Variants in ULK4 observed in about 807,000 individuals in gnomAD.
ULK4 encodes the protein inactive serine/threonine-protein kinase ULK4.
A neutral mutation model predicts 160.6 loss-of-function variants in ULK4; 133 were observed. That is an observed-to-expected ratio of 0.83 (90% CI 0.72 to 0.96). The LOEUF (loss-of-function observed/expected upper bound fraction) is 0.96. Ranked by LOEUF, ULK4 falls within the 40% of genes least tolerant of loss-of-function variation. The pLI is 0.00. For synonymous variants in ULK4, 534 were observed against 539.8 expected (o/e 0.99, Z 0.15); for missense variants, 1,580 against 1,499.5 (o/e 1.05, Z -0.89).
intron 35 of ULK4, among the ~76,000 whole-genome samples, chr3:41,271,908 A>G (rs1168340264): frequency 6.6e-6 from 1 of 151,618 alleles, no homozygotes; most frequent in East Asian, 1.9e-4. Context: ...CAGATTTCTT[A>G]TTTTTTACTT....
chr3:41,721,291 TGAACCA>T (rs1229031704), intron 22 of ULK4, among the ~76,000 whole-genome samples: 7 of 113,408 alleles, frequency 6.2e-5, no homozygotes, highest in Non-Finnish European at 9.1e-5. Context: ...TTTTGGGTTT[TGAACCA>T]TGAGTATGTG....
At chr3:41,449,416 A>G (rs538589774) in intron 34 of ULK4, among the ~76,000 whole-genome samples, 11 of 152,180 alleles carry the variant, frequency 7.2e-5, no homozygotes, top group Non-Finnish European at 1.2e-4. Flanking sequence ...AATGTCCAGA[A>G]GGCAGATGGG....
chr3:41,618,436 T>C (rs1030718626), intron 30 of ULK4, among the ~76,000 whole-genome samples: 1 of 152,102 alleles, frequency 6.6e-6, no homozygotes, highest in African/African-American at 2.4e-5. Flanking sequence ...TCTGCAGAAA[T>C]ACTATAAGCC....
At chr3:41,543,160 C>T (rs1409122179) in intron 32 of ULK4, among the ~76,000 whole-genome samples, 2 of 152,014 alleles carry the variant, frequency 1.3e-5, no homozygotes, top group Non-Finnish European at 1.5e-5. Flanking sequence ...TAGGTGCCTT[C>T]TGTTTTTCTA....
intron 19 of ULK4, among the ~76,000 whole-genome samples, chr3:41,818,093 A>T (rs1272815388): frequency 2.7e-5 from 4 of 150,606 alleles, no homozygotes; most frequent in African/African-American, 9.9e-5. Flanking sequence ...GCCATTATAG[A>T]AAACAGTAAG....
At chr3:41,860,572 A>C (rs1317278919) in intron 17 of ULK4, among the ~76,000 whole-genome samples, 1 of 152,090 alleles carries the variant, frequency 6.6e-6, no homozygotes, top group African/African-American at 2.4e-5. Flanking sequence ...ACTGGCATGG[A>C]ATATTTTTTT....
chr3:41,530,203 T>C (rs2086254797), intron 32 of ULK4, among the ~76,000 whole-genome samples: 1 of 152,234 alleles, frequency 6.6e-6, no homozygotes, highest in Non-Finnish European at 1.5e-5. Context: ...AAATATTTTC[T>C]AATGAAATAT....
At chr3:41,684,626 C>T (rs142411519) in intron 27 of ULK4, among the ~76,000 whole-genome samples, 166 of 152,282 alleles carry the variant, frequency 1.1e-3, no homozygotes, top group African/African-American at 3.7e-3. Context: ...TAAAAGGTCC[C>T]ACCCCAAGGG....
chr3:41,824,159 T>C (rs201364799), intron 18 of ULK4, among the ~76,000 whole-genome samples: 23,825 of 133,888 alleles, frequency 0.18, 2,139 homozygotes, highest in Middle Eastern at 0.31. Context: ...TGAGACTCTA[T>C]CTTTAAAAAA....
intron 30 of ULK4, among the ~76,000 whole-genome samples, chr3:41,621,107 A>G (rs534344567): frequency 3.9e-5 from 6 of 152,206 alleles, no homozygotes; most frequent in South Asian, 4.1e-4. Flanking sequence ...GCTCAAGAAA[A>G]TAAGAGAGGA....
At chr3:41,828,633 A>G (rs532673417) in intron 18 of ULK4, among the ~76,000 whole-genome samples, 239 of 148,830 alleles carry the variant, frequency 1.6e-3, no homozygotes, top group African/African-American at 5.9e-3. Flanking sequence ...CCAATGCTCA[A>G]TGAAATTAAA....
chr3:41,898,187 G>A (rs949927144), intron 14 of ULK4, among the ~76,000 whole-genome samples: 1 of 152,166 alleles, frequency 6.6e-6, no homozygotes, highest in Non-Finnish European at 1.5e-5. Flanking sequence ...AACTTGCCCA[G>A]ATCTACAGGA....
intron 35 of ULK4, among the ~76,000 whole-genome samples, chr3:41,297,438 G>A (rs1462263065): frequency 6.6e-6 from 1 of 152,234 alleles, no homozygotes; most frequent in Non-Finnish European, 1.5e-5. Context: ...CAAAACAGGG[G>A]CCGAACTGAT....
At chr3:41,662,556 C>T (rs1233619398) in intron 30 of ULK4, among the ~76,000 whole-genome samples, 1 of 152,072 alleles carries the variant, frequency 6.6e-6, no homozygotes, top group African/African-American at 2.4e-5. Context: ...CACAGTGGCT[C>T]ATAATAATGC....
intron 32 of ULK4, among the ~76,000 whole-genome samples, chr3:41,474,804 G>T (rs1172666748): frequency 7.5e-6 from 1 of 134,174 alleles, no homozygotes; most frequent in African/African-American, 3.0e-5. Context: ...CCTTACATCT[G>T]TCAGAATGAT....
chr3:41,540,284 T>C (rs1178719079), intron 32 of ULK4, among the ~76,000 whole-genome samples: 3 of 110,236 alleles, frequency 2.7e-5, no homozygotes, highest in Non-Finnish European at 6.1e-5. Flanking sequence ...TGAGAACATG[T>C]GGTGTTTGGT....
chr3:41,430,106 A>G (rs548826875), intron 34 of ULK4, among the ~76,000 whole-genome samples: 38 of 152,308 alleles, frequency 2.5e-4, no homozygotes, highest in African/African-American at 8.7e-4. Flanking sequence ...GAGATAACAC[A>G]TTTATTCTTT....
rs10535539 is a variant in ULK4, at chr3:41,864,346, C to CTGTTTTGTTTTGTTT, written c.1656+19513_1656+19527dup. Reference sequence around the variant, plus strand: ...AGGGAGTGGTGTTGGCAATTCAGAACTGTTTTGTTTTGTTTTGTTTTGTTT... The same window carrying CTGTTTTGTTTTGTTT: ...AGGGAGTGGTGTTGGCAATTCAGAACTGTTTTGTTTTGTTTTGTTTTGTTTTGTTTTGTTTTGTTT... On this transcript the variant is annotated intron_variant, in intron 17 of 36. Transcript: ENST00000301831. Among the ~76,000 whole-genome samples the CTGTTTTGTTTTGTTT allele has an allele frequency of 5.3e-5, 8 of 149,690 alleles. No homozygotes were observed. The South Asian group carries it at 6.4e-4, about 12-fold the overall frequency.
intron 33 of ULK4, among the ~76,000 whole-genome samples, chr3:41,458,251 A>G (rs1447734984): frequency 2.0e-5 from 3 of 152,224 alleles, no homozygotes; most frequent in East Asian, 1.9e-4. Flanking sequence ...AAAGAAGGTG[A>G]CATTCCTTTG....
Sources: allele counts gnomAD v4.1 joint callset (sites outside exome capture counted in the v4.1 genomes callset), GRCh38; gene constraint gnomAD v4.1.1; transcripts MANE v1.5; gene names NCBI Gene and HGNC (gene_info 2026-07-23, HGNC 2026-07-21).